Variants in NCOR2 observed in about 807,000 individuals in gnomAD.
NCOR2 encodes CTG repeat protein 26.
A neutral mutation model predicts 262.9 loss-of-function variants in NCOR2; 81 were observed. That is an observed-to-expected ratio of 0.31 (90% CI 0.26 to 0.37). NCOR2 has a LOEUF of 0.37. Ranked by LOEUF, NCOR2 falls within the 10% of genes least tolerant of loss-of-function variation. The probability of loss-of-function intolerance (pLI) is 1.00; values close to 1 mark genes in which losing one functional copy is unlikely to be tolerated. For missense variants in NCOR2, 3,385 were observed against 3,621.4 expected, an observed-to-expected ratio of 0.93 and a Z score of 1.68; for synonymous variants, 1,659 against 1,559.3, an observed-to-expected ratio of 1.06 and a Z score of -1.51.
rs375251772 is a variant in NCOR2, at chr12:124,483,647, C to T, written c.360G>A (p.Pro120=). The change falls in exon 3 of 47, where the codon CCG becomes CCA. Residue 120 remains proline (P), a synonymous_variant. Coordinates refer to ENST00000405201, the Ensembl canonical transcript of NCOR2. The surrounding 1 kb of genome is among the most constrained non-coding windows in gnomAD (Gnocchi z 6.3). ...GCTGGCCCGTGGCCAGCAGGGGTGA[C>T]GGTCGCAGCAGGGGGTCAGGCAGCA... The T allele has an allele frequency of 1.3e-4, 214 of 1,610,502 alleles. No individual in the cohort carries two copies. The highest frequency in any genetic ancestry group is 1.3e-3 in the South Asian group (114 of 90,458).
intron 13 of NCOR2, among the ~76,000 whole-genome samples, chr12:124,413,720 C>T (rs866305693): frequency 1.3e-5 from 2 of 152,058 alleles, no homozygotes; most frequent in Non-Finnish European, 2.9e-5. Flanking sequence ...GCGCAAGAGA[C>T]GCAGAGCGGG....
At chr12:124,325,377 G>GCCCCCGCC in exon 47 of NCOR2, 2 of 246,788 alleles carry the variant, frequency 8.1e-6, no homozygotes, top group Non-Finnish European at 1.3e-5. Flanking sequence ...ACCTGACACC[G>GCCCCCGCC]CCCCCCCCCC....
exon 28 of NCOR2, chr12:124,350,613 T>G (rs1294739266): frequency 1.2e-6 from 2 of 1,613,916 alleles, no homozygotes; most frequent in East Asian, 4.5e-5. Flanking sequence ...GTGGCCCTTC[T>G]TGCCTTCGTA....
rs780692234 is a variant in NCOR2, at chr12:124,335,310, T to C, written c.6266-30A>G. On this transcript the variant is annotated intron_variant, in intron 39 of 46. Transcript: ENST00000405201. ...AGGCAGAGCAGAGCTGGTCAGGGGG[T>C]GTCTGCTGGCCCCAGGGCTGCTGGG... The C allele has an allele frequency of 5.2e-6, 8 of 1,548,098 alleles. No individual in the cohort carries two copies. The African/African-American group carries it at 1.1e-4, about 21-fold the overall frequency.
chr12:124,325,377 G>GCGC, exon 47 of NCOR2: 57 of 246,770 alleles, frequency 2.3e-4, no homozygotes, highest in Non-Finnish European at 3.3e-4. Flanking sequence ...ACCTGACACC[G>GCGC]CCCCCCCCCC....
intron 13 of NCOR2, among the ~76,000 whole-genome samples, chr12:124,408,689 C>T (rs1390293239): frequency 6.6e-6 from 1 of 152,132 alleles, no homozygotes; most frequent in Non-Finnish European, 1.5e-5. Flanking sequence ...ATCAAGGCTG[C>T]AGCGAGCTTC....
In NCOR2 at chr12:124,549,132, C is replaced by T. The variant is rs987922605; in HGVS notation, c.-164-13521G>A. ...GGTTGGGATGCAGTGTGGCGCTGAG[C>T]CAGGGAGCTAACCTCTCTGAGCCTT... On this transcript the variant is annotated intron_variant, in intron 1 of 32. Coordinates refer to the NCOR2 transcript ENST00000458234. This position sits in a 1 kb window ranked among gnomAD's most constrained non-coding sequence, Gnocchi z 4.4. 7.2e-5 allele frequency among the ~76,000 whole-genome samples: 11 copies of T among 152,110 alleles called. No homozygotes were observed. Among genetic ancestry groups the T allele is most frequent in the Non-Finnish European group, 1.3e-4 (9 of 68,012 alleles).
chr12:124,344,967 T>C lies in NCOR2; in HGVS notation c.4360-16A>G, dbSNP rs1168433629. On this transcript the variant is annotated splice_polypyrimidine_tract_variant and intron_variant, in intron 31 of 46. Transcript: ENST00000405201. ...GCGGGGTGCCCTGGGGCAGAGGGGATGTAAGCTCTAGCCCTGGCCACAGCC... is the reference window on the plus strand; with the variant it reads ...GCGGGGTGCCCTGGGGCAGAGGGGACGTAAGCTCTAGCCCTGGCCACAGCC... 3.3e-6 allele frequency: 5 copies of C among 1,519,846 alleles called. No homozygotes were observed. Among genetic ancestry groups the C allele is most frequent in the Non-Finnish European group, 4.4e-6 (5 of 1,129,988 alleles). The allele number at this position is 1,519,846 out of a possible 1,614,324, so 94.1% of individuals were successfully genotyped here.
At chr12:124,422,220 G>A (rs1290731083) in intron 12 of NCOR2, among the ~76,000 whole-genome samples, 1 of 152,234 alleles carries the variant, frequency 6.6e-6, no homozygotes, top group Non-Finnish European at 1.5e-5. Context: ...GGGGCTCCAG[G>A]AAGCCTGGCC....
rs5801554 is a variant in NCOR2 at position 124,501,045 on chromosome 12, AGCGCGCGC to A, written c.-117-5685_-117-5678del. Among the ~76,000 whole-genome samples the A allele has an allele frequency of 1.7e-3, 238 of 137,076 alleles. 1 individual carries two copies. The highest frequency in any genetic ancestry group is 6.2e-3 in the African/African-American group (225 of 36,172). The allele number at this position is 137,076 out of a possible 152,430, so 89.9% of individuals were successfully genotyped here. ...CCAGGCAGAGAGCGCCCACGGCACG[AGCGCGCGC>A]GCACGCGCGCACACACACACACACA... On this transcript the variant is annotated intron_variant, in intron 1 of 46. Coordinates refer to the NCOR2 transcript ENST00000404621.
Position 124,482,940 on chromosome 12 carries a change from A to C in NCOR2, c.411+656T>G, listed in dbSNP as rs2047574230. ...ATTCTAGGGGTCCAGGCCATGTCCT[A>C]ACCAAGCACCGCCCCTTTAGTGCTG... On this transcript the variant is annotated intron_variant, in intron 3 of 46. Transcript: ENST00000405201. This position sits in a 1 kb window ranked among gnomAD's most constrained non-coding sequence, Gnocchi z 6.3. Among the ~76,000 whole-genome samples, 1 of 152,134 alleles carries C rather than the reference A, an allele frequency of 6.6e-6. No homozygotes were observed. The highest frequency in any genetic ancestry group is 6.5e-5 in the Admixed American group (1 of 15,282).
intron 6 of NCOR2, among the ~76,000 whole-genome samples, chr12:124,451,903 G>A (rs565672535): frequency 5.8e-5 from 8 of 137,386 alleles, no homozygotes; most frequent in South Asian, 5.0e-4. Context: ...AGACAGTCTC[G>A]GCTGGTGACA....
chr12:124,356,994 A>C (rs1189842632), intron 22 of NCOR2: 72 of 550,384 alleles, frequency 1.3e-4, no homozygotes, highest in Middle Eastern at 5.0e-4. Flanking sequence ...AGGGGATCTC[A>C]AGGTCTGAGC....
intron 22 of NCOR2, among the ~76,000 whole-genome samples, chr12:124,361,368 T>A (rs534405373): frequency 6.2e-4 from 95 of 152,344 alleles, no homozygotes; most frequent in African/African-American, 2.0e-3. Context: ...ACCTGCTGCG[T>A]GCCAGGCTGA....
At chr12:124,532,217 C>T (rs544920146) in intron 1 of NCOR2, among the ~76,000 whole-genome samples, 2 of 152,116 alleles carry the variant, frequency 1.3e-5, no homozygotes, top group Non-Finnish European at 2.9e-5. Flanking sequence ...CCTTGTCTCC[C>T]CCATGCCCCC....
Position 124,378,314 on chromosome 12 carries a change from G to A in NCOR2, c.2090C>T (p.Pro697Leu), listed in dbSNP as rs371054468. 1.4e-5 allele frequency: 22 copies of A among 1,613,994 alleles called. No individual in the cohort carries two copies. Among genetic ancestry groups the A allele is most frequent in the East Asian group, 1.1e-4 (5 of 44,884 alleles). Reference sequence around the variant, plus strand: ...CATCTCCTCATCCTCCACCACGGGCGGGAATGCAGCCTCCTCGCTGGCCGC... The same window carrying A: ...CATCTCCTCATCCTCCACCACGGGCAGGAATGCAGCCTCCTCGCTGGCCGC... The change falls in exon 18 of 47, where the codon CCG (proline) becomes CTG (leucine). Residue 697 changes from proline (P) to leucine (L), a missense_variant. Around this residue, in one of 5 missense-constraint regions of NCOR2, gnomAD observed 515 missense variants for 781.2 expected, o/e 0.66. Coordinates refer to ENST00000405201, the Ensembl canonical transcript of NCOR2. The surrounding 1 kb of genome is among the most constrained non-coding windows in gnomAD (Gnocchi z 4.2).
intron 23 of NCOR2, 128 bp downstream of exon 25, chr12:124,356,514 G>T: frequency 2.4e-6 from 2 of 843,758 alleles, no homozygotes; most frequent in Non-Finnish European, 3.2e-6. Context: ...CACTGACCAG[G>T]CTGTTCCTCC....
In NCOR2 at chr12:124,391,112, G is replaced by A. The variant is rs571317520; in HGVS notation, c.1877-5225C>T. 1.7e-4 allele frequency among the ~76,000 whole-genome samples: 26 copies of A among 152,348 alleles called. No individual in the cohort carries two copies. The South Asian group carries it at 3.3e-3, about 19-fold the overall frequency. On this transcript the variant is annotated intron_variant, in intron 16 of 46. Transcript: ENST00000405201. ...TGCTCTGGCCCTCAGGGAGGCCTGT[G>A]CTGCCGCTCAGATGCCTCCAAGCTG...
Position 124,495,071 on chromosome 12 carries a change from G to T in NCOR2, c.105+76C>A. On this transcript the variant is annotated intron_variant, in intron 1 of 46. Coordinates refer to ENST00000405201, the Ensembl canonical transcript of NCOR2. The surrounding 1 kb of genome is among the most constrained non-coding windows in gnomAD (Gnocchi z 4.4). ...CATGAGCCTGGCTCCCAGGAGAAAGGAAGGGGTGAAGACTCAGTGGAATGG... is the reference window on the plus strand; with the variant it reads ...CATGAGCCTGGCTCCCAGGAGAAAGTAAGGGGTGAAGACTCAGTGGAATGG... 6.5e-7 allele frequency: 1 copy of T among 1,540,342 alleles called. No individual in the cohort carries two copies.
Sources: gnomAD v4.1 joint callset for allele counts (sites outside exome capture counted in the v4.1 genomes callset) on GRCh38, gnomAD v4.1.1 for gene constraint, gnomAD v4.1.1 regional missense constraint, Gnocchi (gnomAD v3.1) non-coding constraint, MANE v1.5 for transcripts, NCBI Gene and HGNC (gene_info 2026-07-23, HGNC 2026-07-21) for gene names.